The following MSMB variants were observed in gnomAD, a reference collection of about 807,000 sequenced individuals.
The protein encoded by MSMB is beta-microseminoprotein.
Under a neutral mutation model 10.5 loss-of-function variants are expected in MSMB, and 10 were observed. The ratio of observed to expected loss-of-function variants is 0.95; its 90% confidence interval spans 0.59 to 1.62. The LOEUF (loss-of-function observed/expected upper bound fraction) is 1.62. Ranked by LOEUF, MSMB falls within the 40% of genes most tolerant of loss-of-function variation. The pLI is 0.00. For synonymous variants in MSMB, 43 were observed against 46.5 expected (o/e 0.93, Z 0.30); for missense variants, 126 against 137.4 (o/e 0.92, Z 0.42).
Position 46,039,061 on chromosome 10 carries a change from A to G in MSMB, c.120T>C (p.Asp40=). The G allele has an allele frequency of 6.2e-7, 1 of 1,613,878 alleles. No homozygotes were observed. The change falls in exon 3 of 4, where the codon GAT becomes GAC. Residue 40 remains aspartate, a synonymous_variant. Transcript: ENST00000582163. The part of the protein sequence containing the change: ...VPGDSTRKCM[D]LKGNKHPINS... ...TTATTGGGTGTTTGTTTCCTTTGAGATCCATGCATTCTAAAATAATACACA... is the reference window on the plus strand; with the variant it reads ...TTATTGGGTGTTTGTTTCCTTTGAGGTCCATGCATTCTAAAATAATACACA...
chr10:46,043,611 C>G (rs782303308), intron 1 of MSMB, among the ~76,000 whole-genome samples: 2 of 152,116 alleles, frequency 1.3e-5, no homozygotes, highest in African/African-American at 2.4e-5. Context: ...CAATGACCAA[C>G]CCAGTGCTGC....
intron 1 of MSMB, among the ~76,000 whole-genome samples, chr10:46,041,161 T>C (rs117492445): frequency 0.018 from 2,806 of 151,950 alleles, 42 homozygotes; most frequent in Non-Finnish European, 0.03. Flanking sequence ...CTGGGCAACA[T>C]GATGAAACCC....
In MSMB at chr10:46,039,040, T is replaced by C. The variant is rs1840680803; in HGVS notation, c.141A>G (p.Pro47=). The C allele has an allele frequency of 6.2e-7, 1 of 1,614,084 alleles. No homozygotes were observed. The highest frequency in any genetic ancestry group is 8.5e-7 in the Non-Finnish European group (1 of 1,179,998). ...KCMDLKGNKH[P]INSEWQTDNC... is the part of the protein sequence containing the mutation. Reference sequence around the variant, plus strand: ...TGTCAGTCTGCCACTCCGAGTTTATTGGGTGTTTGTTTCCTTTGAGATCCA... The same window carrying C: ...TGTCAGTCTGCCACTCCGAGTTTATCGGGTGTTTGTTTCCTTTGAGATCCA... The change falls in exon 3 of 4, where the codon CCA becomes CCG. Residue 47 remains proline, a synonymous_variant. Coordinates refer to ENST00000582163, the MANE Select transcript of MSMB (RefSeq NM_002443.4).
intron 3 of MSMB, among the ~76,000 whole-genome samples, chr10:46,036,242 G>A (rs1280822707): frequency 3.9e-5 from 6 of 152,208 alleles, no homozygotes; most frequent in Non-Finnish European, 8.8e-5. Flanking sequence ...TGAGATCTGG[G>A]CAGCGTCCCA....
intron 1 of MSMB, among the ~76,000 whole-genome samples, chr10:46,043,917 C>T (rs1398115976): frequency 1.3e-4 from 19 of 141,692 alleles, no homozygotes; most frequent in Non-Finnish European, 2.3e-4. Context: ...TCAAATGATC[C>T]GCCCGCCTCG....
At chr10:46,036,118 G>A (rs1554927500) in intron 3 of MSMB, among the ~76,000 whole-genome samples, 1 of 152,156 alleles carries the variant, frequency 6.6e-6, no homozygotes, top group African/African-American at 2.4e-5. Flanking sequence ...CCTCACCCAA[G>A]TCAGGGAGCC....
intron 1 of MSMB, among the ~76,000 whole-genome samples, chr10:46,045,794 G>A (rs1840883152): frequency 6.6e-6 from 1 of 152,162 alleles, no homozygotes; most frequent in South Asian, 2.1e-4. Flanking sequence ...GGCAGGGAGA[G>A]AGGAATGCCT....
chr10:46,043,136 G>C (rs1554928860), intron 1 of MSMB, among the ~76,000 whole-genome samples: 2 of 152,074 alleles, frequency 1.3e-5, no homozygotes, highest in Non-Finnish European at 2.9e-5. Context: ...GCAGAAAGAG[G>C]GCTCCTGGGG....
At chr10:46,038,427 A>G (rs1840663812) in intron 3 of MSMB, among the ~76,000 whole-genome samples, 2 of 151,976 alleles carry the variant, frequency 1.3e-5, no homozygotes, top group African/African-American at 4.8e-5. Context: ...AGCTGGGACT[A>G]CAGGCACCCG....
intron 1 of MSMB, among the ~76,000 whole-genome samples, chr10:46,042,935 A>G (rs782209374): frequency 1.5e-4 from 23 of 152,200 alleles, no homozygotes; most frequent in Non-Finnish European, 2.2e-4. Flanking sequence ...TATGAGTTTT[A>G]TAGCCACAAA....
At chr10:46,044,025 T>C (rs1840819135) in intron 1 of MSMB, among the ~76,000 whole-genome samples, 1 of 152,090 alleles carries the variant, frequency 6.6e-6, no homozygotes, top group Non-Finnish European at 1.5e-5. Context: ...GTCTTTAGAC[T>C]TACACGGAAG....
At chr10:46,040,920 C>T (rs1840732383) in intron 1 of MSMB, among the ~76,000 whole-genome samples, 2 of 151,808 alleles carry the variant, frequency 1.3e-5, no homozygotes, top group Admixed American at 1.3e-4. Flanking sequence ...GGCCACTGCA[C>T]TCCAGCCTGG....
intron 2 of MSMB, 112 bp downstream of exon 2, chr10:46,039,874 T>C: frequency 1.3e-6 from 1 of 783,526 alleles, no homozygotes; most frequent in East Asian, 2.8e-5. Context: ...AGAGCATGAC[T>C]ATCTCAAAAA....
chr10:46,039,886 C>T (rs1840702196), intron 2 of MSMB, 100 bp downstream of exon 2: 1 of 921,916 alleles, frequency 1.1e-6, no homozygotes, highest in Admixed American at 2.3e-5. Context: ...TCTCAAAAAA[C>T]AAAGAAACAA....
At chr10:46,040,118 G>A in intron 1 of MSMB, 27 bp from the exon 2 acceptor site, 2 of 1,585,912 alleles carry the variant, frequency 1.3e-6, no homozygotes, top group South Asian at 1.1e-5. Flanking sequence ...GGTCAGGGTG[G>A]AGAATGAATT....
rs1840707267 is a variant in MSMB, at chr10:46,040,081, A to C, written c.14T>G (p.Leu5Arg). 1.9e-6 allele frequency: 3 copies of C among 1,613,526 alleles called. No individual in the cohort carries two copies. The highest frequency in any genetic ancestry group is 2.5e-6 in the Non-Finnish European group (3 of 1,179,580). The part of the protein sequence containing the change: MNVL[L>R]GSVVIFATFV... ...GGTGGCAAAGATCACAACGCTGCCCAGGAGAACATTCTGTAATGTGAAGAA... is the reference window on the plus strand; with the variant it reads ...GGTGGCAAAGATCACAACGCTGCCCCGGAGAACATTCTGTAATGTGAAGAA... Residue 5 changes from leucine (L) to arginine (R), a missense_variant, in exon 2 of 4, where the codon CTG becomes CGG. Physicochemically the swap from Leu to Arg is moderately radical, Grantham distance 102 (BLOSUM62 -2). Transcript: ENST00000582163.
intron 1 of MSMB, 27 bp from the exon 2 acceptor site, chr10:46,040,118 G>C: frequency 6.3e-7 from 1 of 1,585,912 alleles, no homozygotes; most frequent in Non-Finnish European, 8.7e-7. Context: ...GGTCAGGGTG[G>C]AGAATGAATT....
At chr10:46,036,320 G>A (rs782298401) in intron 3 of MSMB, among the ~76,000 whole-genome samples, 7 of 152,200 alleles carry the variant, frequency 4.6e-5, no homozygotes, top group African/African-American at 9.7e-5. Flanking sequence ...TTTTTCCATG[G>A]AGGAGAAAAA....
intron 1 of MSMB, among the ~76,000 whole-genome samples, chr10:46,042,592 C>T (rs1160838756): frequency 2.0e-5 from 3 of 152,160 alleles, no homozygotes; most frequent in African/African-American, 7.2e-5. Context: ...GGCACAGAGA[C>T]AGAGACAGAG....
Sources: allele counts gnomAD v4.1 joint callset (sites outside exome capture counted in the v4.1 genomes callset), GRCh38; gene constraint gnomAD v4.1.1; transcripts MANE v1.5; gene names NCBI Gene and HGNC (gene_info 2026-07-23, HGNC 2026-07-21).